ADAMTS7: variants seen among roughly 807,000 people sequenced by gnomAD.
The protein encoded by ADAMTS7 is ADAM metallopeptidase with thrombospondin type 1 motif 7.
ADAMTS7 carries 89 observed loss-of-function variants against 172.6 expected under a neutral mutation model. The ratio of observed to expected loss-of-function variants is 0.52; its 90% CI spans 0.43 to 0.61. The LOEUF is 0.61. Ranked by LOEUF, ADAMTS7 falls within the 20% of genes least tolerant of loss-of-function variation. The pLI is 0.00. For synonymous variants in ADAMTS7, 885 were observed against 978.4 expected, an observed-to-expected ratio of 0.90 and a Z score of 1.78; for missense variants, 1,973 against 2,355.6, an observed-to-expected ratio of 0.84 and a Z score of 3.36.
chr15:78,807,194 G>A (rs1596204315), intron 1 of ADAMTS7, among the ~76,000 whole-genome samples: 1 of 152,306 alleles, frequency 6.6e-6, no homozygotes, highest in South Asian at 2.1e-4. Context: ...ATTCTCAACT[G>A]GGGGAGCTAC....
chr15:78,772,340 C>A (rs2055264859), intron 14 of ADAMTS7, among the ~76,000 whole-genome samples: 1 of 152,232 alleles, frequency 6.6e-6, no homozygotes, highest in Non-Finnish European at 1.5e-5. Context: ...TAGTAACGTA[C>A]ATGAACATCC....
chr15:78,794,982 G>C (rs149181148), intron 4 of ADAMTS7, among the ~76,000 whole-genome samples: 2 of 152,220 alleles, frequency 1.3e-5, no homozygotes, highest in African/African-American at 2.4e-5. Flanking sequence ...CTCTCAAAGC[G>C]CTGGGATTAT....
chr15:78,790,649 A>C (rs1596193917), intron 6 of ADAMTS7, 21 bp downstream of exon 6: 1 of 1,612,214 alleles, frequency 6.2e-7, no homozygotes, highest in Non-Finnish European at 8.5e-7. Flanking sequence ...GCAGGCTCCC[A>C]CCCTCCTGCG....
chr15:78,795,784 G>A (rs908740369), intron 4 of ADAMTS7, among the ~76,000 whole-genome samples: 34 of 152,218 alleles, frequency 2.2e-4, no homozygotes, highest in African/African-American at 8.2e-4. Context: ...GCAGGAAGCA[G>A]CTTGGAGCCT....
chr15:78,772,175 C>G (rs560516162), intron 14 of ADAMTS7, among the ~76,000 whole-genome samples: 1 of 152,184 alleles, frequency 6.6e-6, no homozygotes, highest in Non-Finnish European at 1.5e-5. Flanking sequence ...CATCCCCATG[C>G]GGCCTGCTTT....
At chr15:78,762,256 G>T in intron 23 of ADAMTS7, 147 bp downstream of exon 23, 1 of 1,116,510 alleles carries the variant, frequency 9.0e-7, no homozygotes, top group Non-Finnish European at 1.2e-6. Context: ...GTGGCATCAG[G>T]ATTTTCAGTG....
chr15:78,789,104 C>T (rs1275948982), intron 7 of ADAMTS7, among the ~76,000 whole-genome samples: 2 of 152,250 alleles, frequency 1.3e-5, no homozygotes, highest in Non-Finnish European at 2.9e-5. Flanking sequence ...CAGCTTTGAC[C>T]CACAGAACGT....
chr15:78,778,287 T>C (rs1053869637), intron 8 of ADAMTS7, among the ~76,000 whole-genome samples: 2 of 152,202 alleles, frequency 1.3e-5, no homozygotes, highest in Non-Finnish European at 2.9e-5. Context: ...ACAAGGCTGC[T>C]CAGACACAAC....
intron 4 of ADAMTS7, among the ~76,000 whole-genome samples, chr15:78,795,439 G>A (rs921422675): frequency 1.3e-5 from 2 of 152,220 alleles, no homozygotes; most frequent in African/African-American, 2.4e-5. Context: ...CAAGTAGTGG[G>A]GACGTGGTGG....
intron 8 of ADAMTS7, among the ~76,000 whole-genome samples, chr15:78,787,360 C>A (rs12439748): frequency 0.7 from 97,959 of 140,914 alleles, 34,315 homozygotes; most frequent in East Asian, 0.91. Flanking sequence ...AAAAAAAAAA[C>A]AAAAAAACAC....
At chr15:78,806,881 C>T (rs549087146) in intron 1 of ADAMTS7, among the ~76,000 whole-genome samples, 13 of 152,298 alleles carry the variant, frequency 8.5e-5, no homozygotes, top group African/African-American at 3.1e-4. Flanking sequence ...ATTCTCCTGC[C>T]TCAGCCTCCC....
Position 78,796,575 on chromosome 15 carries a change from C to G in ADAMTS7, c.819+15G>C. The G allele has an allele frequency of 6.2e-7, 1 of 1,604,300 alleles. No individual in the cohort carries two copies. The highest frequency in any genetic ancestry group is 8.5e-7 in the Non-Finnish European group (1 of 1,173,382). On this transcript the variant is annotated intron_variant, in intron 4 of 23. Transcript: ENST00000388820. ...CACCATCCCCGCCACCCGCTCCTGG[C>G]CCACACAGACTCACCATGTTCATGA...
Position 78,793,895 on chromosome 15 carries a change from C to G in ADAMTS7, c.820-2672G>C, listed in dbSNP as rs188224195. Among the ~76,000 whole-genome samples the G allele has an allele frequency of 2.5e-3, 382 of 152,358 alleles. 2 individuals are homozygous for G. Among genetic ancestry groups the G allele is most frequent in the African/African-American group, 8.5e-3 (353 of 41,592 alleles). On this transcript the variant is annotated intron_variant, in intron 4 of 23. Transcript: ENST00000388820. ...AGACAGACCTGAGCTCCAGTCCCAGCTGTACCACTTACTAGCTGCGTGACC... is the reference window on the plus strand; with the variant it reads ...AGACAGACCTGAGCTCCAGTCCCAGGTGTACCACTTACTAGCTGCGTGACC...
In ADAMTS7 at chr15:78,771,004, GGCAATCGCTA is replaced by G. The variant is rs75710044; in HGVS notation, c.2518+148_2518+157del. On this transcript the variant is annotated intron_variant, in intron 16 of 23. Transcript: ENST00000388820. This position sits in a 1 kb window ranked among gnomAD's most constrained non-coding sequence, Gnocchi z 4.9. The stretch of plus-strand genomic sequence containing the variant: ...CCCTCCCAGCGGGCCTGGGACACAG[GGCAATCGCTA>G]GCCTCATCTCACAGATGGAGAACTG... 0.3 allele frequency: 325,178 copies of G among 1,100,038 alleles called. 48,998 individuals carry two copies. The highest frequency in any genetic ancestry group is 0.51 in the East Asian group (19,573 of 38,158). The allele number at this position is 1,100,038 out of a possible 1,614,324, so 68.1% of individuals were successfully genotyped here. A position where few individuals can be genotyped will look rare whatever the true frequency, so the allele number is the denominator to read the frequency against.
chr15:78,807,983 T>C (rs1239239998), intron 1 of ADAMTS7, among the ~76,000 whole-genome samples: 1 of 151,674 alleles, frequency 6.6e-6, no homozygotes, highest in Admixed American at 6.6e-5. Flanking sequence ...GCCTCCCAAA[T>C]AGCTGGGACT....
At chr15:78,792,267 A>G (rs1567233239) in intron 4 of ADAMTS7, among the ~76,000 whole-genome samples, 1 of 151,890 alleles carries the variant, frequency 6.6e-6, no homozygotes, top group Non-Finnish European at 1.5e-5. Flanking sequence ...CTCCAATACA[A>G]CCAACCAATT....
chr15:78,777,288 C>G (rs2141491891), intron 9 of ADAMTS7, 156 bp downstream of exon 9: 1 of 1,125,842 alleles, frequency 8.9e-7, no homozygotes, highest in East Asian at 2.6e-5. Context: ...CCTGGCCTCT[C>G]CCACAGGCCA....
intron 7 of ADAMTS7, 75 bp from the exon 8 acceptor site, chr15:78,788,449 C>T: frequency 6.4e-7 from 1 of 1,566,356 alleles, no homozygotes; most frequent in South Asian, 1.2e-5. Context: ...TGGACACCCA[C>T]AAGGTGCGCA....
At chr15:78,777,030 G>T (rs1011978811) in intron 9 of ADAMTS7, 189 bp from the exon 10 acceptor site, 2 of 599,854 alleles carry the variant, frequency 3.3e-6, no homozygotes, top group African/African-American at 3.7e-5. Context: ...GGTGTGGGGC[G>T]CCCGGGGCTG....
Sources: allele counts gnomAD v4.1 joint callset (sites outside exome capture counted in the v4.1 genomes callset), GRCh38; gene constraint gnomAD v4.1.1; non-coding constraint Gnocchi (gnomAD v3.1); transcripts MANE v1.5; gene names NCBI Gene and HGNC (gene_info 2026-07-23, HGNC 2026-07-21).